Variants in CFAP210 observed in about 807,000 individuals in gnomAD.
CFAP210 encodes the protein cilia and flagella associated protein 210, also known as cilia- and flagella- associated protein 210.
chr2:169,663,159 ACTGG>A, the CFAP210 span, among the ~76,000 whole-genome samples: 1 of 152,174 alleles, frequency 6.6e-6, no homozygotes, highest in Non-Finnish European at 1.5e-5. Context: ...ACCTCTGCAT[ACTGG>A]CAAGACAGCG....
the CFAP210 span, among the ~76,000 whole-genome samples, chr2:169,678,400 G>C: frequency 6.8e-6 from 1 of 147,372 alleles, no homozygotes; most frequent in Non-Finnish European, 1.5e-5. Flanking sequence ...AACAAATAGA[G>C]AGAATATGTT....
the CFAP210 span, among the ~76,000 whole-genome samples, chr2:169,651,697 C>T: frequency 6.6e-6 from 1 of 151,954 alleles, no homozygotes; most frequent in East Asian, 1.9e-4. Context: ...CCTGCTTACT[C>T]TATCATTGGA....
chr2:169,656,418 GGAGGAC>G, the CFAP210 span, among the ~76,000 whole-genome samples: 2 of 151,116 alleles, frequency 1.3e-5, no homozygotes, highest in African/African-American at 4.9e-5. Context: ...TAGAGAAGGA[GGAGGAC>G]GAGGAAGAGA....
chr2:169,651,080 A>G, the CFAP210 span, among the ~76,000 whole-genome samples: 1 of 151,836 alleles, frequency 6.6e-6, no homozygotes, highest in Non-Finnish European at 1.5e-5. Flanking sequence ...TACAAAAATT[A>G]GCCGGGCGTG....
At chr2:169,692,302 T>C in the CFAP210 span, among the ~76,000 whole-genome samples, 3 of 152,132 alleles carry the variant, frequency 2.0e-5, no homozygotes, top group East Asian at 5.8e-4. Context: ...TCATAAGGAA[T>C]AGAAATTTAT....
chr2:169,689,064 G>A, the CFAP210 span, among the ~76,000 whole-genome samples: 4 of 152,180 alleles, frequency 2.6e-5, no homozygotes, highest in African/African-American at 7.2e-5. Flanking sequence ...AAATGAGGAA[G>A]AAGCAAAAGT....
the CFAP210 span, chr2:169,674,925 GC>G: frequency 1.3e-6 from 2 of 1,535,110 alleles, no homozygotes; most frequent in Non-Finnish European, 1.8e-6. Context: ...ATTTTCAATG[GC>G]CTTTTTTCTT....
At chr2:169,650,602 A>G in the CFAP210 span, 3 of 1,353,136 alleles carry the variant, frequency 2.2e-6, no homozygotes, top group African/African-American at 1.5e-5. Context: ...AGGGAATCTG[A>G]GATATTTTGC....
the CFAP210 span, among the ~76,000 whole-genome samples, chr2:169,692,479 CACCA>C: frequency 2.4e-3 from 355 of 149,132 alleles, 1 homozygote; most frequent in African/African-American, 8.3e-3. Context: ...CACACACACA[CACCA>C]CACAGAGACA....
At chr2:169,688,095 C>G in the CFAP210 span, among the ~76,000 whole-genome samples, 1 of 152,220 alleles carries the variant, frequency 6.6e-6, no homozygotes. Context: ...AGTCTATAGG[C>G]TGCACACAGC....
chr2:169,667,132 TTTC>T, the CFAP210 span, among the ~76,000 whole-genome samples: 4 of 128,398 alleles, frequency 3.1e-5, no homozygotes, highest in Non-Finnish European at 6.7e-5. Flanking sequence ...AATCACAAAT[TTTC>T]TTTTTTCTTT....
the CFAP210 span, among the ~76,000 whole-genome samples, chr2:169,669,449 T>C: frequency 6.6e-6 from 1 of 152,136 alleles, no homozygotes; most frequent in Non-Finnish European, 1.5e-5. Flanking sequence ...AAAATATCTC[T>C]GGATGATAAG....
chr2:169,666,570 T>C, the CFAP210 span, among the ~76,000 whole-genome samples: 1 of 151,846 alleles, frequency 6.6e-6, no homozygotes, highest in Non-Finnish European at 1.5e-5. Context: ...GAGTGAGCCA[T>C]GTCATCTACA....
At chr2:169,687,473 C>A in the CFAP210 span, among the ~76,000 whole-genome samples, 1 of 152,082 alleles carries the variant, frequency 6.6e-6, no homozygotes, top group Non-Finnish European at 1.5e-5. Context: ...TTGGCCAAAA[C>A]AAAGGGGCTG....
chr2:169,680,936 G>A, the CFAP210 span: 1 of 1,265,368 alleles, frequency 7.9e-7, no homozygotes, highest in Middle Eastern at 1.9e-4. Context: ...TTTATAAAAA[G>A]AAGCATAAGA....
the CFAP210 span, chr2:169,661,127 G>A: frequency 6.2e-5 from 35 of 562,318 alleles, no homozygotes; most frequent in South Asian, 1.2e-4. Context: ...GCTTCTAACC[G>A]CTGAGACAAT....
At chr2:169,694,314 G>T in the CFAP210 span, 1 of 1,614,054 alleles carries the variant, frequency 6.2e-7, no homozygotes, top group Non-Finnish European at 8.5e-7. Flanking sequence ...CAGCATCTCT[G>T]ACGAGGTGTC....
At chr2:169,646,697 CATTT>C in the CFAP210 span, among the ~76,000 whole-genome samples, 1 of 152,154 alleles carries the variant, frequency 6.6e-6, no homozygotes, top group Non-Finnish European at 1.5e-5. Context: ...CAGTGAGTGA[CATTT>C]ATCAATGTAG....
chr2:169,670,652 T>C, the CFAP210 span, among the ~76,000 whole-genome samples: 2 of 152,194 alleles, frequency 1.3e-5, no homozygotes, highest in African/African-American at 4.8e-5. Flanking sequence ...TGTCACATAT[T>C]TGGTGTCAGG....
Sources: allele counts gnomAD v4.1 joint callset (sites outside exome capture counted in the v4.1 genomes callset), GRCh38; gene constraint gnomAD v4.1.1; transcripts MANE v1.5; gene names NCBI Gene and HGNC (gene_info 2026-07-23, HGNC 2026-07-21).